The following CSGALNACT1 variants were observed in gnomAD, a reference collection of about 807,000 sequenced individuals.
CSGALNACT1 encodes the protein beta4GalNAcT-1.
CSGALNACT1 carries 52 observed loss-of-function variants against 51.0 expected under a neutral mutation model. The ratio of observed to expected loss-of-function variants is 1.02; its 90% CI spans 0.82 to 1.29. The LOEUF (loss-of-function observed/expected upper bound fraction) is 1.29. CSGALNACT1 is among the 50% of genes most tolerant of loss of function. CSGALNACT1 has a pLI of 0.00. For missense variants in CSGALNACT1, 935 were observed against 679.2 expected, an observed-to-expected ratio of 1.38 and a Z score of -4.19; for synonymous variants, 341 against 254.4, an observed-to-expected ratio of 1.34 and a Z score of -3.24.
intron 6 of CSGALNACT1, among the ~76,000 whole-genome samples, chr8:19,433,515 G>C (rs1000943993): frequency 2.2e-4 from 34 of 152,200 alleles, no homozygotes; most frequent in African/African-American, 6.7e-4. Flanking sequence ...CCACTGCCTC[G>C]GGCAGCCACA....
At chr8:19,445,914 C>T (rs756355634) in intron 5 of CSGALNACT1, among the ~76,000 whole-genome samples, 5 of 152,156 alleles carry the variant, frequency 3.3e-5, no homozygotes, top group Non-Finnish European at 5.9e-5. Flanking sequence ...GTGGCTCATG[C>T]CTATAATCTC....
intron 1 of CSGALNACT1, among the ~76,000 whole-genome samples, chr8:19,703,780 C>A (rs183732275): frequency 6.6e-6 from 1 of 152,238 alleles, no homozygotes; most frequent in South Asian, 2.1e-4. Context: ...CTCAGAACAA[C>A]ATATTCTACA....
chr8:19,430,665 T>C (rs2059518966), intron 6 of CSGALNACT1, among the ~76,000 whole-genome samples: 1 of 152,216 alleles, frequency 6.6e-6, no homozygotes, highest in South Asian at 2.1e-4. Flanking sequence ...GTTAAGATTG[T>C]TCTGGCTATT....
At chr8:19,517,567 TG>T (rs2079814087) in intron 3 of CSGALNACT1, among the ~76,000 whole-genome samples, 1 of 151,578 alleles carries the variant, frequency 6.6e-6, no homozygotes, top group Admixed American at 6.6e-5. Flanking sequence ...TGCCCGAGAG[TG>T]GGTCATTTAT....
chr8:19,583,346 C>T (rs1159730875), intron 3 of CSGALNACT1, among the ~76,000 whole-genome samples: 1 of 152,122 alleles, frequency 6.6e-6, no homozygotes, highest in East Asian at 1.9e-4. Context: ...TTCATTTCAG[C>T]CCTCAGAAGT....
At chr8:19,639,495 G>A (rs1390558465) in intron 1 of CSGALNACT1, among the ~76,000 whole-genome samples, 1 of 152,168 alleles carries the variant, frequency 6.6e-6, no homozygotes, top group Non-Finnish European at 1.5e-5. Context: ...GAAACAATGT[G>A]GAAACAGGTC....
At chr8:19,464,205 C>A (rs920414055) in intron 4 of CSGALNACT1, among the ~76,000 whole-genome samples, 28 of 152,316 alleles carry the variant, frequency 1.8e-4, no homozygotes, top group African/African-American at 6.5e-4. Context: ...CCTTCCCTAC[C>A]TTCCTACATG....
intron 1 of CSGALNACT1, among the ~76,000 whole-genome samples, chr8:19,634,217 C>T (rs2975422): frequency 6.6e-6 from 1 of 152,160 alleles, no homozygotes; most frequent in African/African-American, 2.4e-5. Flanking sequence ...AAAACTGTTG[C>T]TATGGACTGG....
chr8:19,656,591 G>C (rs1399468765), intron 1 of CSGALNACT1, among the ~76,000 whole-genome samples: 1 of 83,792 alleles, frequency 1.2e-5, no homozygotes, highest in African/African-American at 4.3e-5. Flanking sequence ...GAGAAACTAC[G>C]CCCCCCCCCC....
chr8:19,440,318 A>G (rs561319687), intron 5 of CSGALNACT1, among the ~76,000 whole-genome samples: 1 of 152,250 alleles, frequency 6.6e-6, no homozygotes, highest in South Asian at 2.1e-4. Flanking sequence ...AAAATCCTCA[A>G]TAAAATACTG....
intron 1 of CSGALNACT1, among the ~76,000 whole-genome samples, chr8:19,726,160 T>C (rs1277812101): frequency 6.6e-6 from 1 of 152,234 alleles, no homozygotes; most frequent in Non-Finnish European, 1.5e-5. Context: ...GGAAATAATA[T>C]AAGCTCCATG....
At chr8:19,460,040 A>C (rs1263154210) in intron 4 of CSGALNACT1, among the ~76,000 whole-genome samples, 1 of 152,192 alleles carries the variant, frequency 6.6e-6, no homozygotes, top group Non-Finnish European at 1.5e-5. Context: ...CCTCATGCCT[A>C]AAGATCCATT....
At chr8:19,727,432 C>A (rs896082486) in intron 1 of CSGALNACT1, among the ~76,000 whole-genome samples, 2 of 152,176 alleles carry the variant, frequency 1.3e-5, no homozygotes, top group Admixed American at 6.5e-5. Context: ...TCACTGCAAC[C>A]TCCACCTCCC....
At chr8:19,521,372 A>G (rs1587757761) in intron 3 of CSGALNACT1, among the ~76,000 whole-genome samples, 1 of 152,312 alleles carries the variant, frequency 6.6e-6, no homozygotes, top group Non-Finnish European at 1.5e-5. Context: ...AGGAGAAAAA[A>G]AAGCTATCCA....
intron 1 of CSGALNACT1, among the ~76,000 whole-genome samples, chr8:19,701,448 C>A (rs1398107919): frequency 6.6e-6 from 1 of 152,126 alleles, no homozygotes; most frequent in Non-Finnish European, 1.5e-5. Context: ...GCCACTGCAC[C>A]AAGCCTACTC....
chr8:19,663,848 C>T (rs2058967549), intron 1 of CSGALNACT1, among the ~76,000 whole-genome samples: 2 of 152,240 alleles, frequency 1.3e-5, no homozygotes, highest in African/African-American at 4.8e-5. Context: ...TCCCACAATT[C>T]TCTCCTCTTC....
intron 1 of CSGALNACT1, among the ~76,000 whole-genome samples, chr8:19,755,479 A>AAAAAAAAC (rs2065308411): frequency 6.8e-6 from 1 of 148,082 alleles, no homozygotes; most frequent in Non-Finnish European, 1.5e-5. Flanking sequence ...AAAAAAAAAA[A>AAAAAAAAC]AAGACAACAT....
At chr8:19,421,820 G>T (rs997492232) in intron 6 of CSGALNACT1, among the ~76,000 whole-genome samples, 1 of 152,084 alleles carries the variant, frequency 6.6e-6, no homozygotes, top group Non-Finnish European at 1.5e-5. Flanking sequence ...TTATCTTAGG[G>T]ATCAGTGAGC....
intron 6 of CSGALNACT1, among the ~76,000 whole-genome samples, chr8:19,430,184 A>G (rs183448830): frequency 1.3e-5 from 2 of 152,324 alleles, no homozygotes; most frequent in South Asian, 4.1e-4. Flanking sequence ...TGGTAGCACA[A>G]AAGTTTTTAA....
Sources: gnomAD v4.1 joint callset for allele counts (sites outside exome capture counted in the v4.1 genomes callset) on GRCh38, gnomAD v4.1.1 for gene constraint, MANE v1.5 for transcripts, NCBI Gene and HGNC (gene_info 2026-07-23, HGNC 2026-07-21) for gene names.